ITIH5: variants seen among roughly 807,000 people sequenced by gnomAD.
ITIH5 encodes the protein inter-alpha-trypsin inhibitor heavy chain H5.
A neutral mutation model predicts 77.5 loss-of-function variants in ITIH5; 65 were observed. That is an observed-to-expected ratio of 0.84 (90% CI 0.69 to 1.03). The LOEUF (loss-of-function observed/expected upper bound fraction) is 1.03. ITIH5 is among the 50% of genes least tolerant of loss of function. The probability of loss-of-function intolerance (pLI) is 0.00; values close to 1 mark genes in which losing one functional copy is unlikely to be tolerated. For synonymous variants in ITIH5, 525 were observed against 494.3 expected (o/e 1.06, Z -0.82); for missense variants, 1,208 against 1,213.1 (o/e 1.00, Z 0.06).
intron 9 of ITIH5, among the ~76,000 whole-genome samples, chr10:7,579,107 T>C (rs1832483466): frequency 6.6e-6 from 1 of 152,260 alleles, no homozygotes; most frequent in Non-Finnish European, 1.5e-5. Context: ...AAATACTTAA[T>C]ATGGGATGGC....
chr10:7,602,629 A>G (rs530160072), intron 7 of ITIH5, among the ~76,000 whole-genome samples: 1 of 152,308 alleles, frequency 6.6e-6, no homozygotes, highest in East Asian at 1.9e-4. Context: ...CTCCCAAGAC[A>G]TGCGGAACTG....
chr10:7,574,794 G>GA (rs59563530), intron 10 of ITIH5, among the ~76,000 whole-genome samples: 197 of 85,460 alleles, frequency 2.3e-3, no homozygotes, highest in African/African-American at 4.4e-3. Context: ...CTCCATCTCG[G>GA]AAAAAAAAAA....
At chr10:7,572,095 T>C in intron 11 of ITIH5, 1 of 1,036,618 alleles carries the variant, frequency 9.6e-7, no homozygotes, top group Non-Finnish European at 1.2e-6. Flanking sequence ...AGGAAGCTTT[T>C]CTGGCATTCC....
At chr10:7,655,704 G>A in intron 1 of ITIH5, 29 bp from the exon 2 acceptor site, 3 of 1,572,650 alleles carry the variant, frequency 1.9e-6, no homozygotes, top group Non-Finnish European at 2.6e-6. Flanking sequence ...TGTTAAAAAG[G>A]TGATTTTTAA....
In ITIH5 at chr10:7,627,302, A is replaced by AC. The variant is rs1564267977; in HGVS notation, c.652+9925_652+9926insG. Among the ~76,000 whole-genome samples the AC allele has an allele frequency of 2.3e-5, 3 of 131,372 alleles. 1 individual carries two copies. In the South Asian group the frequency reaches 8.1e-4, roughly 35 times the overall value. 86.2% of individuals were successfully genotyped at this position (131,372 alleles called of 152,430 possible). ...CATGGATCCCAGAACTTAAAGTAAAAGAAAAAAAAGAAAATAAGAAGATAA... is the reference window on the plus strand; with the variant it reads ...CATGGATCCCAGAACTTAAAGTAAAACGAAAAAAAAGAAAATAAGAAGATAA... On this transcript the variant is annotated intron_variant, in intron 5 of 13. Transcript: ENST00000397146.
At chr10:7,569,080 G>A (rs1832246446) in intron 12 of ITIH5, 2 of 119,014 alleles carry the variant, frequency 1.7e-5, no homozygotes, top group Non-Finnish European at 3.2e-5. Flanking sequence ...GCAGTGGCAT[G>A]ATCTCAGCTC....
intron 13 of ITIH5, 28 bp from the exon 14 acceptor site, chr10:7,563,412 C>G (rs768712021): frequency 6.3e-7 from 1 of 1,598,682 alleles, no homozygotes; most frequent in Non-Finnish European, 8.5e-7. Context: ...AGCATCGGGT[C>G]TCAGTCAAAT....
intron 2 of ITIH5, among the ~76,000 whole-genome samples, chr10:7,644,668 T>C (rs1475973592): frequency 2.2e-5 from 3 of 139,448 alleles, no homozygotes; most frequent in East Asian, 4.0e-4. Context: ...ATATATCATA[T>C]ATATCACATA....
chr10:7,587,107 GGC>G (rs1414043403), intron 7 of ITIH5, among the ~76,000 whole-genome samples: 1 of 152,132 alleles, frequency 6.6e-6, no homozygotes, highest in Admixed American at 6.5e-5. Flanking sequence ...TAGGATTACA[GGC>G]GTGAGCCACT....
At position 7,637,337 on chromosome 10, in the gene ITIH5, C is replaced by G. The variant is rs2131073738; in HGVS notation, c.543G>C (p.Leu181=). ...EHSISVRPQQ[L]SGRLSVDVNI... ...TCACGTCCACGCTCAGCCTCCCGGACAGCTGCTGGGGCCGCACGCTGATGC... is the reference window on the plus strand; with the variant it reads ...TCACGTCCACGCTCAGCCTCCCGGAGAGCTGCTGGGGCCGCACGCTGATGC... Residue 181 remains leucine (L), a synonymous_variant, in exon 5 of 14, where the codon CTG becomes CTC. Coordinates refer to ENST00000397146, the MANE Select transcript of ITIH5 (RefSeq NM_030569.7). 6.2e-7 allele frequency: 1 copy of G among 1,614,158 alleles called. No homozygotes were observed. The highest frequency in any genetic ancestry group is 8.5e-7 in the Non-Finnish European group (1 of 1,180,034).
At chr10:7,610,554 A>G (rs139459740) in intron 7 of ITIH5, among the ~76,000 whole-genome samples, 155 of 152,364 alleles carry the variant, frequency 1.0e-3, no homozygotes, top group African/African-American at 3.6e-3. Flanking sequence ...ATGATTCTTA[A>G]TAGAATCCAT....
chr10:7,597,044 C>CAAAAAAAAAAAAAAAA (rs71383924), intron 7 of ITIH5, among the ~76,000 whole-genome samples: 2,979 of 36,696 alleles, frequency 0.081, 760 homozygotes, highest in Middle Eastern at 0.14. Context: ...GTCTCCAACT[C>CAAAAAAAAAAAAAAAA]AAAAAAAAAA....
intron 7 of ITIH5, among the ~76,000 whole-genome samples, chr10:7,589,197 C>T (rs552977884): frequency 6.6e-5 from 10 of 152,242 alleles, no homozygotes; most frequent in African/African-American, 1.2e-4. Flanking sequence ...GTGGCTCACA[C>T]CTGTAATCCC....
chr10:7,653,408 A>G (rs1379847114), intron 2 of ITIH5, among the ~76,000 whole-genome samples: 3 of 152,112 alleles, frequency 2.0e-5, no homozygotes, highest in African/African-American at 7.2e-5. Flanking sequence ...GGGTTTCACC[A>G]TGTTAGCCAG....
At chr10:7,636,002 C>T (rs1335271166) in intron 5 of ITIH5, among the ~76,000 whole-genome samples, 7 of 152,110 alleles carry the variant, frequency 4.6e-5, no homozygotes, top group Admixed American at 4.6e-4. Context: ...AATTCCAGTC[C>T]TGGTGCAATT....
At chr10:7,653,893 G>T (rs969982733) in intron 2 of ITIH5, among the ~76,000 whole-genome samples, 2 of 152,090 alleles carry the variant, frequency 1.3e-5, no homozygotes, top group Admixed American at 1.3e-4. Context: ...AGTGGCTCAC[G>T]CCTGTAATCC....
In ITIH5 at chr10:7,572,411, A is replaced by G; in HGVS notation, c.2032+731T>C. On this transcript the variant is annotated intron_variant, in intron 11 of 13. Transcript: ENST00000397146. ...CTGAAGCCACGAACTGAAAAAAATGAAAACAAAAACAAAGCCTGCCTGTCA... is the reference window on the plus strand; with the variant it reads ...CTGAAGCCACGAACTGAAAAAAATGGAAACAAAAACAAAGCCTGCCTGTCA... 2 of 1,362,060 alleles carry G rather than the reference A, an allele frequency of 1.5e-6. 1 individual carries two copies. The highest frequency in any genetic ancestry group is 2.3e-5 in the South Asian group (2 of 87,492). 84.4% of individuals were successfully genotyped at this position (1,362,060 alleles called of 1,614,324 possible).
intron 2 of ITIH5, among the ~76,000 whole-genome samples, chr10:7,644,496 A>AT (rs543676977): frequency 2.0e-4 from 13 of 64,906 alleles, no homozygotes; most frequent in Admixed American, 5.1e-4. Flanking sequence ...TATATATCAT[A>AT]ATCACATATA....
At chr10:7,644,789 T>TCATATATATCA (rs1564278137) in intron 2 of ITIH5, among the ~76,000 whole-genome samples, 38 of 126,230 alleles carry the variant, frequency 3.0e-4, no homozygotes, top group Non-Finnish European at 4.0e-4. Context: ...CACATATATA[T>TCATATATATCA]CATATATATC....
Sources: gnomAD v4.1 joint callset for allele counts (sites outside exome capture counted in the v4.1 genomes callset) on GRCh38, gnomAD v4.1.1 for gene constraint, MANE v1.5 for transcripts, NCBI Gene and HGNC (gene_info 2026-07-23, HGNC 2026-07-21) for gene names.